NIPBL: variants seen among roughly 807,000 people sequenced by gnomAD.
NIPBL encodes nipped-B-like protein.
Under a neutral mutation model 321.8 loss-of-function variants are expected in NIPBL, and 19 were observed. The observed-to-expected ratio is 0.06, with a 90% CI of 0.04 to 0.09. The LOEUF is 0.09. Ranked by LOEUF, NIPBL falls within the 10% of genes least tolerant of loss-of-function variation. NIPBL has a pLI of 1.00. For synonymous variants in NIPBL, 1,106 were observed against 1,114.1 expected, an observed-to-expected ratio of 0.99 and a Z score of 0.14; for missense variants, 2,210 against 3,327.0, an observed-to-expected ratio of 0.66 and a Z score of 8.26.
chr5:37,010,244 GT>G lies in NIPBL; in HGVS notation c.4560+23del. 6.4e-7 allele frequency: 1 copy of G among 1,552,366 alleles called. No homozygotes were observed. The highest frequency in any genetic ancestry group is 8.9e-7 in the Non-Finnish European group (1 of 1,124,710). On this transcript the variant is annotated intron_variant, in intron 21 of 46. Coordinates refer to ENST00000282516, the MANE Select transcript of NIPBL (RefSeq NM_133433.4). ...TAAAAAAGTAAGGAATCTATTAAAG[GT>G]TTTACAACTGTACTTTTATTGAAGG...
chr5:36,922,777 A>G (rs1318267605), intron 1 of NIPBL, among the ~76,000 whole-genome samples: 2 of 152,172 alleles, frequency 1.3e-5, no homozygotes, highest in Non-Finnish European at 1.5e-5. Flanking sequence ...TACCATCGCA[A>G]TTTTGTTGAG....
chr5:37,050,776 A>G (rs1753454926), intron 40 of NIPBL, among the ~76,000 whole-genome samples: 1 of 152,204 alleles, frequency 6.6e-6, no homozygotes, highest in African/African-American at 2.4e-5. Context: ...TATCTAATAT[A>G]CAGTTCATTT....
chr5:36,935,608 C>T (rs901402372), intron 1 of NIPBL, among the ~76,000 whole-genome samples: 4 of 152,138 alleles, frequency 2.6e-5, no homozygotes, highest in African/African-American at 9.7e-5. Context: ...GGTTTCTTTT[C>T]AGTTCTTTTT....
intron 10 of NIPBL, among the ~76,000 whole-genome samples, chr5:36,986,856 A>C (rs1268541802): frequency 1.3e-5 from 2 of 152,004 alleles, no homozygotes; most frequent in Non-Finnish European, 2.9e-5. Context: ...TTACTTTTTA[A>C]ATTTGGTTAA....
intron 20 of NIPBL, among the ~76,000 whole-genome samples, chr5:37,009,381 A>C (rs1747830147): frequency 1.3e-5 from 2 of 152,226 alleles, no homozygotes; most frequent in South Asian, 4.1e-4. Context: ...CATCATAGAT[A>C]ATCACCGGAA....
Position 36,953,628 on chromosome 5 carries a change from A to G in NIPBL, c.-69A>G, listed in dbSNP as rs759332784. 4.1e-6 allele frequency: 5 copies of G among 1,208,320 alleles called. No homozygotes were observed. The highest frequency in any genetic ancestry group is 6.2e-6 in the Non-Finnish European group (5 of 809,468). The allele number at this position is 1,208,320 out of a possible 1,614,324, so 74.8% of individuals were successfully genotyped here. On this transcript the variant is annotated 5_prime_UTR_variant, in exon 2 of 47. The change abolishes an upstream ATG in the 5' untranslated region. Coordinates refer to ENST00000282516, the MANE Select transcript of NIPBL (RefSeq NM_133433.4). Reference sequence around the variant, plus strand: ...TTTTGTGTGTTGCAGTGTTTGGGAAATGGGAAGTAATGACAGCTGGCACCT... The same window carrying G: ...TTTTGTGTGTTGCAGTGTTTGGGAAGTGGGAAGTAATGACAGCTGGCACCT...
intron 1 of NIPBL, among the ~76,000 whole-genome samples, chr5:36,949,672 A>G (rs1740056661): frequency 6.6e-6 from 1 of 151,902 alleles, no homozygotes; most frequent in African/African-American, 2.4e-5. Context: ...TTGAGAAAAA[A>G]TGATGCATTT....
chr5:37,042,199 G>A (rs1380418611), intron 34 of NIPBL, among the ~76,000 whole-genome samples: 1 of 152,088 alleles, frequency 6.6e-6, no homozygotes, highest in African/African-American at 2.4e-5. Context: ...CACTTTGGGA[G>A]GCCGAGGCAG....
chr5:36,950,738 A>G (rs746703400), intron 1 of NIPBL, among the ~76,000 whole-genome samples: 45 of 152,246 alleles, frequency 3.0e-4, no homozygotes, highest in Middle Eastern at 6.8e-3. Flanking sequence ...ACGAAAAACA[A>G]TATACTTTCA....
intron 1 of NIPBL, among the ~76,000 whole-genome samples, chr5:36,944,710 A>G (rs1008754510): frequency 3.3e-5 from 5 of 152,118 alleles, no homozygotes; most frequent in Admixed American, 6.6e-5. Flanking sequence ...TCAATTCAGA[A>G]GAATCTGGCC....
At chr5:37,054,290 A>G (rs1198465835) in intron 42 of NIPBL, among the ~76,000 whole-genome samples, 1 of 152,182 alleles carries the variant, frequency 6.6e-6, no homozygotes, top group Admixed American at 6.5e-5. Context: ...TAATTACCAT[A>G]GTGCAGATAT....
At chr5:36,991,587 A>G (rs1263567394) in intron 10 of NIPBL, among the ~76,000 whole-genome samples, 1 of 152,134 alleles carries the variant, frequency 6.6e-6, no homozygotes, top group East Asian at 1.9e-4. Flanking sequence ...TGTTACTTAC[A>G]TAATGAGTAG....
chr5:37,010,318 TTTC>T, intron 21 of NIPBL, 93 bp downstream of exon 21: 2 of 1,140,312 alleles, frequency 1.8e-6, no homozygotes, highest in Non-Finnish European at 2.6e-6. Flanking sequence ...GTTCTTTTTT[TTTC>T]TTTCTTTTTT....
At chr5:36,894,653 A>G (rs182104713) in intron 1 of NIPBL, among the ~76,000 whole-genome samples, 2 of 151,856 alleles carry the variant, frequency 1.3e-5, no homozygotes, top group East Asian at 3.9e-4. Context: ...TTTTCCCCCC[A>G]CTGCGGGGAG....
chr5:37,013,371 C>T (rs1325091770), intron 21 of NIPBL, among the ~76,000 whole-genome samples: 22 of 151,902 alleles, frequency 1.4e-4, no homozygotes, highest in African/African-American at 3.6e-4. Context: ...CCCTTCCGGA[C>T]GAGGTGGCTG....
At chr5:37,026,084 C>A in intron 30 of NIPBL, 145 bp from the exon 31 acceptor site, 1 of 602,762 alleles carries the variant, frequency 1.7e-6, no homozygotes, top group Non-Finnish European at 3.0e-6. Flanking sequence ...TTAGAAAAAA[C>A]TGAGGAAATT....
In NIPBL at chr5:36,984,954, A is replaced by G; in HGVS notation, c.1774A>G (p.Thr592Ala). 6.2e-7 allele frequency: 1 copy of G among 1,613,952 alleles called. No homozygotes were observed. Among genetic ancestry groups the G allele is most frequent in the Non-Finnish European group, 8.5e-7 (1 of 1,179,948 alleles). Residue 592 changes from threonine to alanine, a missense_variant, in exon 10 of 47, where the codon ACA (threonine) becomes GCA (alanine). Physicochemically the swap from Thr to Ala is moderately conservative, Grantham distance 58 (BLOSUM62 0). Around this residue, in one of 14 missense-constraint regions of NIPBL, gnomAD observed 588 missense variants for 564.1 expected, o/e 1.04. Coordinates refer to ENST00000282516, the MANE Select transcript of NIPBL (RefSeq NM_133433.4). ...AGATATTGTTGGAAGTCTTAAATCT[A>G]CACCAGAAAACCATCCTGAGACACC... is the stretch of plus-strand genomic sequence containing the variant. ...QEDIVGSLKSTPENHPETPKK... is the reference protein window; with the variant it reads ...QEDIVGSLKSAPENHPETPKK...
At chr5:37,033,640 T>C (rs1213267287) in intron 32 of NIPBL, among the ~76,000 whole-genome samples, 7 of 140,406 alleles carry the variant, frequency 5.0e-5, no homozygotes, top group African/African-American at 1.9e-4. Context: ...TTAGAAAATA[T>C]AGGAGAAAAA....
At chr5:36,895,533 T>A (rs1219495523) in intron 1 of NIPBL, among the ~76,000 whole-genome samples, 1 of 152,238 alleles carries the variant, frequency 6.6e-6, no homozygotes, top group African/African-American at 2.4e-5. Flanking sequence ...TCTGAGGAAC[T>A]GTCAGACTGT....
Sources: gnomAD v4.1 joint callset for allele counts (sites outside exome capture counted in the v4.1 genomes callset) on GRCh38, gnomAD v4.1.1 for gene constraint, gnomAD v4.1.1 regional missense constraint, MANE v1.5 for transcripts, NCBI Gene and HGNC (gene_info 2026-07-23, HGNC 2026-07-21) for gene names.